Variants in PCAT7 observed in about 807,000 individuals in gnomAD.
PCAT7 encodes the protein prostate cancer associated transcript 7, also known as prostate cancer associated transcript 7 (non-protein coding).
At chr9:94,563,309 C>G (rs755602457) in intron 2 of PCAT7, 1 of 1,609,134 alleles carries the variant, frequency 6.2e-7, no homozygotes, top group Admixed American at 1.7e-5. Context: ...CCTCCCTGAC[C>G]GGATGCACAG....
chr9:94,567,065 A>G (rs1047744932), intron 2 of PCAT7, among the ~76,000 whole-genome samples: 3 of 152,204 alleles, frequency 2.0e-5, no homozygotes, highest in African/African-American at 4.8e-5. Context: ...AAATGTAAAG[A>G]TAAGTACTAC....
chr9:94,563,268 A>G, intron 2 of PCAT7: 1 of 1,539,630 alleles, frequency 6.5e-7, no homozygotes, highest in Admixed American at 1.8e-5. Context: ...CAGTAGCCAA[A>G]CAGCAGGTGT....
At chr9:94,562,115 T>A (rs546559312) in intron 2 of PCAT7, among the ~76,000 whole-genome samples, 1 of 151,866 alleles carries the variant, frequency 6.6e-6, no homozygotes, top group South Asian at 2.1e-4. Context: ...ATCGAGACCA[T>A]CCTGGCTAAC....
intron 2 of PCAT7, chr9:94,570,390 T>C (rs1354561321): frequency 2.0e-5 from 3 of 152,234 alleles, no homozygotes; most frequent in Non-Finnish European, 2.9e-5. Context: ...TCACTCTCTC[T>C]ACGCCTCACT....
At chr9:94,559,246 G>T in intron 2 of PCAT7, 1 of 852,194 alleles carries the variant, frequency 1.2e-6, no homozygotes, top group Non-Finnish European at 1.8e-6. Flanking sequence ...TGGCTAGCAT[G>T]AGCGCACCAT....
At chr9:94,558,993 G>C (rs553774646) in exon 2 of PCAT7, 1 of 1,614,100 alleles carries the variant, frequency 6.2e-7, no homozygotes, top group Non-Finnish European at 8.5e-7. Flanking sequence ...CACATCCTCT[G>C]GTGACCCCAG....
chr9:94,571,601 G>A, intron 2 of PCAT7: 1 of 1,611,230 alleles, frequency 6.2e-7, no homozygotes, highest in Non-Finnish European at 8.5e-7. Context: ...ATCCTCTGAG[G>A]TCTGTGGAAG....
chr9:94,559,151 A>C (rs1291314228), exon 2 of PCAT7: 4 of 1,603,220 alleles, frequency 2.5e-6, no homozygotes, highest in African/African-American at 2.7e-5. Flanking sequence ...GAACAGAGGC[A>C]GGTGAGTAAA....
chr9:94,560,582 A>C (rs1041641647), intron 2 of PCAT7, among the ~76,000 whole-genome samples: 7 of 152,068 alleles, frequency 4.6e-5, no homozygotes, highest in Non-Finnish European at 1.0e-4. Context: ...TGGTTGACCC[A>C]GCTATGTGCA....
intron 2 of PCAT7, among the ~76,000 whole-genome samples, chr9:94,560,520 T>C (rs1308702943): frequency 6.6e-6 from 1 of 152,092 alleles, no homozygotes; most frequent in African/African-American, 2.4e-5. Context: ...TCCCCATCAG[T>C]GCAACCTGTG....
At chr9:94,572,883 T>G (rs1187831647) in intron 2 of PCAT7, 9 of 152,262 alleles carry the variant, frequency 5.9e-5, no homozygotes, top group Non-Finnish European at 1.2e-4. Context: ...TTATTGCTAA[T>G]ATATAGAAAT....
At chr9:94,574,508 T>A (rs562502876) in intron 3 of PCAT7, among the ~76,000 whole-genome samples, 1 of 152,190 alleles carries the variant, frequency 6.6e-6, no homozygotes, top group Non-Finnish European at 1.5e-5. Context: ...ATTCAACTTC[T>A]TGTTTATTTT....
At chr9:94,562,797 C>A (rs1324100242) in intron 2 of PCAT7, among the ~76,000 whole-genome samples, 2 of 152,156 alleles carry the variant, frequency 1.3e-5, no homozygotes, top group East Asian at 3.9e-4. Flanking sequence ...GCAATTAGAC[C>A]TTCCAGGAAC....
intron 1 of PCAT7, among the ~76,000 whole-genome samples, chr9:94,556,227 A>G (rs1343773766): frequency 6.7e-6 from 1 of 149,984 alleles, no homozygotes; most frequent in African/African-American, 2.5e-5. Context: ...TTTTGCTTAT[A>G]TGAAGGAGCA....
At chr9:94,563,229 T>C in intron 2 of PCAT7, 1 of 1,224,656 alleles carries the variant, frequency 8.2e-7, no homozygotes, top group Non-Finnish European at 1.1e-6. Flanking sequence ...CCCCTGCCCA[T>C]CCCCACACAG....
At chr9:94,557,775 G>C (rs1041268343) in intron 1 of PCAT7, among the ~76,000 whole-genome samples, 1 of 152,136 alleles carries the variant, frequency 6.6e-6, no homozygotes, top group African/African-American at 2.4e-5. Context: ...AATACTTCTG[G>C]ATTTGATTTG....
At chr9:94,560,762 A>C (rs1304118234) in intron 2 of PCAT7, among the ~76,000 whole-genome samples, 1 of 147,996 alleles carries the variant, frequency 6.8e-6, no homozygotes, top group Non-Finnish European at 1.5e-5. Context: ...ATATTTATAT[A>C]ATGTTATTAT....
chr9:94,572,305 G>C (rs552616615), intron 2 of PCAT7, among the ~76,000 whole-genome samples: 3 of 152,080 alleles, frequency 2.0e-5, no homozygotes, highest in Non-Finnish European at 4.4e-5. Context: ...TTTGTATTGA[G>C]TTACCCCGTC....
intron 2 of PCAT7, chr9:94,571,588 C>T (rs777280479): frequency 1.2e-6 from 2 of 1,613,214 alleles, no homozygotes; most frequent in South Asian, 1.1e-5. Flanking sequence ...TTTCAGAAGG[C>T]TCATCCTCTG....
Sources: allele counts gnomAD v4.1 joint callset (sites outside exome capture counted in the v4.1 genomes callset), GRCh38; gene constraint gnomAD v4.1.1; transcripts MANE v1.5; gene names NCBI Gene and HGNC (gene_info 2026-07-23, HGNC 2026-07-21).